The following SPMAP2 variants were observed in gnomAD, a reference collection of about 807,000 sequenced individuals.
SPMAP2 encodes the protein Theg homolog.
the SPMAP2 span, among the ~76,000 whole-genome samples, chr19:365,074 C>T: frequency 2.0e-5 from 3 of 152,222 alleles, no homozygotes; most frequent in African/African-American, 7.2e-5. Context: ...CCCCACGTGG[C>T]ACGTGGCTGG....
the SPMAP2 span, among the ~76,000 whole-genome samples, chr19:370,775 G>A: frequency 1.9e-4 from 29 of 152,228 alleles, no homozygotes; most frequent in Non-Finnish European, 2.9e-4. Context: ...ACCGACGCAC[G>A]CGAGAGTCTC....
chr19:375,755 C>G, the SPMAP2 span: 69 of 1,610,272 alleles, frequency 4.3e-5, no homozygotes, highest in East Asian at 1.4e-3. Flanking sequence ...CCGGGAACTC[C>G]TCCCCGGCCA....
the SPMAP2 span, chr19:371,106 T>G: frequency 1.5e-6 from 1 of 654,138 alleles, no homozygotes; most frequent in East Asian, 3.0e-5. Flanking sequence ...GTGCAGCTTC[T>G]CCTCCTCCCC....
At chr19:362,250 G>C in the SPMAP2 span, 13 of 1,577,712 alleles carry the variant, frequency 8.2e-6, no homozygotes, top group Non-Finnish European at 1.1e-5. Flanking sequence ...GCTTTTGGGG[G>C]TGGCAAGCTC....
the SPMAP2 span, chr19:371,114 C>T: frequency 4.3e-6 from 3 of 704,920 alleles, no homozygotes; most frequent in Non-Finnish European, 4.5e-6. Flanking sequence ...TCTCCTCCTC[C>T]CCTGACTCCC....
At chr19:371,369 G>GGTGTGTGT in the SPMAP2 span, 31 of 851,074 alleles carry the variant, frequency 3.6e-5, no homozygotes, top group African/African-American at 2.4e-4. Flanking sequence ...CGGGGGTGGG[G>GGTGTGTGT]GTGTGTGTGT....
At chr19:365,535 GAGCACACACACACAGCCACACAC>G in the SPMAP2 span, among the ~76,000 whole-genome samples, 37 of 67,380 alleles carry the variant, frequency 5.5e-4, no homozygotes, top group Non-Finnish European at 7.3e-4. Context: ...CAGCAAGTGT[GAGCACACACACACAGCCACACAC>G]TCGCTCTTAC....
the SPMAP2 span, among the ~76,000 whole-genome samples, chr19:365,389 A>C: frequency 0.035 from 5,339 of 152,298 alleles, 291 homozygotes; most frequent in African/African-American, 0.12. Flanking sequence ...CTCTGTGAGA[A>C]TTTAGTAGGC....
At chr19:362,643 C>T in the SPMAP2 span, among the ~76,000 whole-genome samples, 4 of 151,826 alleles carry the variant, frequency 2.6e-5, no homozygotes, top group Admixed American at 6.6e-5. Flanking sequence ...TGGTGCGTCT[C>T]TAGTCCCAGC....
chr19:367,422 A>G, the SPMAP2 span, among the ~76,000 whole-genome samples: 1 of 152,208 alleles, frequency 6.6e-6, no homozygotes, highest in East Asian at 1.9e-4. Flanking sequence ...AAAAAACCCC[A>G]AAAGGGCTGA....
the SPMAP2 span, among the ~76,000 whole-genome samples, chr19:364,090 C>T: frequency 0.028 from 4,193 of 151,434 alleles, 184 homozygotes; most frequent in African/African-American, 0.092. Context: ...TCCCAGCACT[C>T]TGGGAGGCCG....
At chr19:364,106 G>C in the SPMAP2 span, among the ~76,000 whole-genome samples, 2 of 151,300 alleles carry the variant, frequency 1.3e-5, no homozygotes, top group East Asian at 2.0e-4. Context: ...GGCCGAGGCG[G>C]GCGGATCACA....
chr19:361,955 C>T, the SPMAP2 span: 1 of 349,430 alleles, frequency 2.9e-6, no homozygotes, highest in Non-Finnish European at 5.1e-6. Context: ...TCCCGTGGGC[C>T]CTCAGGAATG....
the SPMAP2 span, chr19:373,355 G>A: frequency 1.0e-6 from 1 of 960,374 alleles, no homozygotes; most frequent in Non-Finnish European, 1.6e-6. Flanking sequence ...GGGGAGGACA[G>A]AGGCTCCGAG....
chr19:375,061 A>AC, the SPMAP2 span, among the ~76,000 whole-genome samples: 1 of 152,094 alleles, frequency 6.6e-6, no homozygotes, highest in African/African-American at 2.4e-5. Context: ...CACGGTGAGA[A>AC]GGGGGCAGGT....
chr19:364,134 C>A, the SPMAP2 span, among the ~76,000 whole-genome samples: 1 of 150,360 alleles, frequency 6.7e-6, no homozygotes, highest in Non-Finnish European at 1.5e-5. Flanking sequence ...GAGATCGAGA[C>A]CATCCTGGCT....
the SPMAP2 span, among the ~76,000 whole-genome samples, chr19:364,280 T>A: frequency 6.1e-4 from 80 of 130,396 alleles, no homozygotes; most frequent in South Asian, 6.7e-3. Flanking sequence ...GAGCTTGCAG[T>A]GAGCTGAGAT....
chr19:374,204 G>A, the SPMAP2 span: 1,044 of 1,561,854 alleles, frequency 6.7e-4, 8 homozygotes, highest in African/African-American at 0.013. Flanking sequence ...GCTGGGGGAG[G>A]GGAGCCGAGC....
chr19:362,442 G>C, the SPMAP2 span: 2 of 1,581,998 alleles, frequency 1.3e-6, no homozygotes, highest in African/African-American at 1.3e-5. Flanking sequence ...GGGGGCAGAA[G>C]AGAAGGACAG....
Sources: allele counts gnomAD v4.1 joint callset (sites outside exome capture counted in the v4.1 genomes callset), GRCh38; gene constraint gnomAD v4.1.1; transcripts MANE v1.5; gene names NCBI Gene and HGNC (gene_info 2026-07-23, HGNC 2026-07-21).